RARB: variants seen among roughly 807,000 people sequenced by gnomAD.
The protein encoded by RARB is retinoic acid receptor beta.
In RARB, 17 loss-of-function variants were observed where a neutral mutation model predicts 51.9. That is an observed-to-expected ratio of 0.33 (90% confidence interval 0.22 to 0.49). The LOEUF (loss-of-function observed/expected upper bound fraction) is 0.49, where lower values mean the gene tolerates loss of function less well. RARB is among the 20% of genes least tolerant of loss of function. RARB has a pLI of 0.99. For synonymous variants in RARB, 215 were observed against 195.4 expected, an observed-to-expected ratio of 1.10 and a Z score of -0.84; for missense variants, 369 against 550.8, an observed-to-expected ratio of 0.67 and a Z score of 3.30.
intron 5 of RARB, among the ~76,000 whole-genome samples, chr3:25,271,206 A>G (rs941356412): frequency 6.6e-6 from 1 of 152,210 alleles, no homozygotes; most frequent in Non-Finnish European, 1.5e-5. Context: ...ATTAGTATAA[A>G]TCAAGAAATA....
intron 5 of RARB, among the ~76,000 whole-genome samples, chr3:25,188,966 T>C (rs1050629728): frequency 2.0e-5 from 3 of 152,150 alleles, no homozygotes; most frequent in African/African-American, 4.8e-5. Flanking sequence ...TCCTATGATA[T>C]AGATAATAAA....
chr3:25,337,581 T>C (rs1014878967), intron 5 of RARB, among the ~76,000 whole-genome samples: 4 of 152,182 alleles, frequency 2.6e-5, no homozygotes, highest in Non-Finnish European at 1.5e-5. Flanking sequence ...TATTGTTCTC[T>C]CTGCCTGAAA....
At chr3:25,513,439 A>G (rs1431051188) in intron 3 of RARB, among the ~76,000 whole-genome samples, 1 of 152,196 alleles carries the variant, frequency 6.6e-6, no homozygotes, top group Non-Finnish European at 1.5e-5. Flanking sequence ...GAACACGTGA[A>G]CTTAAAGTGA....
chr3:25,548,491 T>G (rs1318138208), intron 3 of RARB, among the ~76,000 whole-genome samples: 1 of 152,070 alleles, frequency 6.6e-6, no homozygotes, highest in Non-Finnish European at 1.5e-5. Context: ...CAGATTCCCT[T>G]GATTTTAAGG....
At chr3:24,920,000 G>T (rs1695185548) in intron 2 of RARB, among the ~76,000 whole-genome samples, 1 of 152,194 alleles carries the variant, frequency 6.6e-6, no homozygotes, top group Admixed American at 6.5e-5. Flanking sequence ...ACTGCTTATT[G>T]AGTTAAATTT....
At chr3:25,472,014 G>A (rs979550710) in intron 2 of RARB, among the ~76,000 whole-genome samples, 2 of 152,068 alleles carry the variant, frequency 1.3e-5, no homozygotes, top group African/African-American at 4.8e-5. Context: ...CCCCACCCGC[G>A]TACCTATGTA....
intron 3 of RARB, among the ~76,000 whole-genome samples, chr3:25,082,438 T>C (rs1194645202): frequency 6.6e-6 from 1 of 152,066 alleles, no homozygotes; most frequent in Non-Finnish European, 1.5e-5. Context: ...TACCCCTTTA[T>C]ATTTTTGCAC....
At chr3:25,008,548 A>AT (rs1479757759) in intron 2 of RARB, among the ~76,000 whole-genome samples, 2 of 152,086 alleles carry the variant, frequency 1.3e-5, no homozygotes, top group Admixed American at 1.3e-4. Flanking sequence ...TGACAGGGAA[A>AT]TTGGTGTGAA....
chr3:24,878,397 T>C (rs754463293), intron 2 of RARB, among the ~76,000 whole-genome samples: 4 of 152,078 alleles, frequency 2.6e-5, no homozygotes, highest in East Asian at 3.9e-4. Flanking sequence ...GTTTCTCTTA[T>C]GTTTTACATG....
At chr3:25,193,872 T>A (rs941881117) in intron 5 of RARB, among the ~76,000 whole-genome samples, 1 of 149,256 alleles carries the variant, frequency 6.7e-6, no homozygotes, top group African/African-American at 2.5e-5. Flanking sequence ...TTTCAAAATA[T>A]ATACCAATAA....
chr3:25,054,358 G>C (rs1698396367), intron 2 of RARB, among the ~76,000 whole-genome samples: 1 of 152,170 alleles, frequency 6.6e-6, no homozygotes, highest in Admixed American at 6.5e-5. Flanking sequence ...CCATGTGAAT[G>C]CCTCTAAATC....
intron 3 of RARB, among the ~76,000 whole-genome samples, chr3:25,094,716 CAAAAAAAAAAAA>C (rs57477720): frequency 2.3e-5 from 1 of 43,092 alleles, no homozygotes; most frequent in African/African-American, 9.3e-5. Context: ...GACCCCATCT[CAAAAAAAAAAAA>C]AAAAAAAAAA....
chr3:25,023,106 A>G lies in RARB; in HGVS notation c.-379-37019A>G, dbSNP rs375817226. 3.9e-5 allele frequency among the ~76,000 whole-genome samples: 6 copies of G among 152,190 alleles called. No individual in the cohort carries two copies. In the South Asian group the frequency reaches 6.2e-4, roughly 16 times the overall value. On this transcript the variant is annotated intron_variant, in intron 2 of 11. Coordinates refer to the RARB transcript ENST00000383772. ...TACTCTAATAGCCCAGAACAGCTTC[A>G]GTTCTTTCAGTAAGGAGTCCCCTTT...
chr3:25,306,705 T>TG (rs1381230322), intron 5 of RARB, among the ~76,000 whole-genome samples: 2 of 152,170 alleles, frequency 1.3e-5, no homozygotes. Flanking sequence ...ACTATTATTC[T>TG]GGGGGAAAAA....
chr3:24,988,286 G>A (rs969175664), intron 2 of RARB, among the ~76,000 whole-genome samples: 1 of 152,184 alleles, frequency 6.6e-6, no homozygotes, highest in Non-Finnish European at 1.5e-5. Context: ...CTTAGGGGTT[G>A]TGAGTAGGTA....
At chr3:25,304,182 G>A (rs540881620) in intron 5 of RARB, among the ~76,000 whole-genome samples, 12 of 152,196 alleles carry the variant, frequency 7.9e-5, no homozygotes, top group Non-Finnish European at 1.6e-4. Context: ...CTGGCAGATA[G>A]TCAAGGCCTT....
intron 3 of RARB, among the ~76,000 whole-genome samples, chr3:25,542,948 C>A (rs1025925602): frequency 6.6e-6 from 1 of 152,174 alleles, no homozygotes; most frequent in Non-Finnish European, 1.5e-5. Flanking sequence ...ATCTGATTCC[C>A]AAGCCTGTGC....
At chr3:25,303,501 C>G (rs1434158843) in intron 5 of RARB, among the ~76,000 whole-genome samples, 1 of 152,142 alleles carries the variant, frequency 6.6e-6, no homozygotes, top group Non-Finnish European at 1.5e-5. Flanking sequence ...CGACTGAGTG[C>G]CAAAATGAAG....
At position 25,453,034 on chromosome 3, in the gene RARB, T is replaced by C. The variant is rs531707887; in HGVS notation, c.158-8159T>C. Among the ~76,000 whole-genome samples the C allele has an allele frequency of 6.6e-5, 10 of 152,182 alleles. No homozygotes were observed. The South Asian group carries it at 2.1e-3, about 32-fold the overall frequency. On this transcript the variant is annotated intron_variant, in intron 1 of 7. Transcript: ENST00000330688. ...GCATTAAGTACTTAACAAGGTGGAG[T>C]ATTTAGTAAGGACCTGTGCAAAGGG... is the stretch of plus-strand genomic sequence containing the variant.
Sources: gnomAD v4.1 joint callset for allele counts (sites outside exome capture counted in the v4.1 genomes callset) on GRCh38, gnomAD v4.1.1 for gene constraint, MANE v1.5 for transcripts, NCBI Gene and HGNC (gene_info 2026-07-23, HGNC 2026-07-21) for gene names.